Variants in FGF14 observed in about 807,000 individuals in gnomAD.
FGF14 encodes fibroblast growth factor homologous factor 4.
A neutral mutation model predicts 25.5 loss-of-function variants in FGF14; 5 were observed. The ratio of observed to expected loss-of-function variants is 0.20; its 90% CI spans 0.10 to 0.41. The LOEUF (loss-of-function observed/expected upper bound fraction) is 0.41. Among genes scored for constraint, FGF14 ranks in the 10% least tolerant of loss-of-function variants. FGF14 has a pLI of 1.00. For synonymous variants in FGF14, 138 were observed against 118.3 expected (o/e 1.17, Z -1.08); for missense variants, 222 against 320.1 (o/e 0.69, Z 2.34).
intron 1 of FGF14, among the ~76,000 whole-genome samples, chr13:102,051,233 C>A (rs1438438285): frequency 2.0e-5 from 3 of 152,196 alleles, no homozygotes. Context: ...AGCTAGGCCC[C>A]ACCCCAACAT....
rs183182681 is a variant in FGF14, at chr13:102,355,828, A to C, written c.208+45643T>G. ...TCTTCCTTCGATTAATTTTTCTAAAAATTACAGAAAGTACTCATATAAATT... is the reference window on the plus strand; with the variant it reads ...TCTTCCTTCGATTAATTTTTCTAAACATTACAGAAAGTACTCATATAAATT... On this transcript the variant is annotated intron_variant, in intron 1 of 4. Coordinates refer to the FGF14 transcript ENST00000376131. Among the ~76,000 whole-genome samples, 1,087 of 152,248 alleles carry C rather than the reference A, an allele frequency of 7.1e-3. 4 individuals are homozygous for C. Among genetic ancestry groups the C allele is most frequent in the Admixed American group, 0.013 (196 of 15,298 alleles).
At chr13:102,080,467 C>T (rs763640370) in intron 1 of FGF14, among the ~76,000 whole-genome samples, 3 of 152,120 alleles carry the variant, frequency 2.0e-5, no homozygotes, top group East Asian at 1.9e-4. Flanking sequence ...CCTCCAAATA[C>T]GCTTTCTCAC....
intron 1 of FGF14, among the ~76,000 whole-genome samples, chr13:102,271,211 T>C (rs2053228520): frequency 1.3e-5 from 2 of 152,218 alleles, no homozygotes; most frequent in African/African-American, 2.4e-5. Flanking sequence ...GTGAAATTTT[T>C]CTTGAAATTA....
chr13:102,337,892 G>C (rs938099548), intron 1 of FGF14, among the ~76,000 whole-genome samples: 3 of 152,000 alleles, frequency 2.0e-5, no homozygotes, highest in African/African-American at 4.8e-5. Flanking sequence ...TGCTTTTTTA[G>C]ACAAAATGCT....
chr13:101,945,742 C>G (rs2035761881), intron 1 of FGF14, among the ~76,000 whole-genome samples: 1 of 152,236 alleles, frequency 6.6e-6, no homozygotes, highest in Non-Finnish European at 1.5e-5. Context: ...GTATTCCTGA[C>G]CTGCCAAAGC....
intron 3 of FGF14, among the ~76,000 whole-genome samples, chr13:101,812,653 ATTTTTTT>A (rs869237724): frequency 8.6e-5 from 1 of 11,618 alleles, no homozygotes; most frequent in African/African-American, 2.8e-4. Flanking sequence ...ATATATATAT[ATTTTTTT>A]TTTTTTTTTT....
At chr13:101,766,284 C>A (rs1311087245) in intron 3 of FGF14, among the ~76,000 whole-genome samples, 2 of 152,140 alleles carry the variant, frequency 1.3e-5, no homozygotes, top group Non-Finnish European at 2.9e-5. Flanking sequence ...TCCATGGAGG[C>A]AGAAGTCACA....
chr13:101,744,644 C>T (rs1424717815), intron 3 of FGF14, among the ~76,000 whole-genome samples: 1 of 152,060 alleles, frequency 6.6e-6, no homozygotes, highest in Non-Finnish European at 1.5e-5. Context: ...TGGGGGAATA[C>T]AGCCTAAAAG....
At chr13:102,287,371 G>T (rs1332355790) in intron 1 of FGF14, among the ~76,000 whole-genome samples, 1 of 152,110 alleles carries the variant, frequency 6.6e-6, no homozygotes, top group Middle Eastern at 3.2e-3. Context: ...ACATTATTTG[G>T]ATATAATCAC....
chr13:102,314,329 A>G (rs929510185), intron 1 of FGF14, among the ~76,000 whole-genome samples: 1 of 152,214 alleles, frequency 6.6e-6, no homozygotes, highest in East Asian at 1.9e-4. Context: ...CATATATTAC[A>G]TGCACAAATT....
At chr13:102,056,200 T>G (rs1024172580) in intron 1 of FGF14, among the ~76,000 whole-genome samples, 1 of 152,202 alleles carries the variant, frequency 6.6e-6, no homozygotes, top group Non-Finnish European at 1.5e-5. Context: ...TGGGTATTTG[T>G]TACAAATGGC....
chr13:101,828,749 G>C (rs2042528285), intron 3 of FGF14, among the ~76,000 whole-genome samples: 1 of 151,964 alleles, frequency 6.6e-6, no homozygotes, highest in Admixed American at 6.6e-5. Context: ...ATCCATGCTG[G>C]GTTGAGATAA....
chr13:101,872,191 T>C (rs1214150018), intron 2 of FGF14, among the ~76,000 whole-genome samples: 2 of 151,840 alleles, frequency 1.3e-5, no homozygotes, highest in Non-Finnish European at 2.9e-5. Context: ...TTTTGGTTTT[T>C]TTAAAATTAT....
intron 1 of FGF14, among the ~76,000 whole-genome samples, chr13:102,198,078 G>A (rs888147698): frequency 2.0e-5 from 3 of 151,944 alleles, no homozygotes; most frequent in Admixed American, 1.3e-4. Flanking sequence ...TCCCCTACCC[G>A]CCCTGGCGCA....
chr13:101,727,137 C>G (rs911604112), intron 3 of FGF14, among the ~76,000 whole-genome samples: 2 of 152,042 alleles, frequency 1.3e-5, no homozygotes, highest in Non-Finnish European at 2.9e-5. Context: ...ATCAGATATT[C>G]ACAATAAAGT....
chr13:102,276,349 G>C (rs1473099229), intron 1 of FGF14, among the ~76,000 whole-genome samples: 1 of 32,762 alleles, frequency 3.1e-5, no homozygotes, highest in Non-Finnish European at 5.5e-5. Flanking sequence ...GTGTGTGTGT[G>C]TGTGTATATA....
At chr13:102,388,794 T>C (rs1214585058) in intron 1 of FGF14, among the ~76,000 whole-genome samples, 1 of 152,206 alleles carries the variant, frequency 6.6e-6, no homozygotes, top group Non-Finnish European at 1.5e-5. Context: ...AACCCAATTA[T>C]AATTGAGCCA....
chr13:101,941,538 C>G (rs1032323710), intron 1 of FGF14, among the ~76,000 whole-genome samples: 1 of 152,182 alleles, frequency 6.6e-6, no homozygotes, highest in African/African-American at 2.4e-5. Flanking sequence ...TGAGTTGCAG[C>G]AAGACTCCTG....
intron 1 of FGF14, among the ~76,000 whole-genome samples, chr13:102,147,165 C>A (rs748284965): frequency 2.0e-5 from 3 of 152,138 alleles, no homozygotes; most frequent in East Asian, 1.9e-4. Context: ...ATAGAAAGAA[C>A]CTTACTTGTG....
Sources: allele counts gnomAD v4.1 joint callset (sites outside exome capture counted in the v4.1 genomes callset), GRCh38; gene constraint gnomAD v4.1.1; transcripts MANE v1.5; gene names NCBI Gene and HGNC (gene_info 2026-07-23, HGNC 2026-07-21).